The following CHN2 variants were observed in gnomAD, a reference collection of about 807,000 sequenced individuals.
CHN2 encodes chimerin 2.
CHN2 carries 35 observed loss-of-function variants against 56.3 expected under a neutral mutation model. The ratio of observed to expected loss-of-function variants is 0.62; its 90% CI spans 0.47 to 0.82. The LOEUF (loss-of-function observed/expected upper bound fraction) is 0.82. Ranked by LOEUF, CHN2 falls within the 40% of genes least tolerant of loss-of-function variation. The probability of loss-of-function intolerance (pLI) is 0.00; values close to 1 mark genes in which losing one functional copy is unlikely to be tolerated. For missense variants in CHN2, 491 were observed against 580.5 expected (o/e 0.85, Z 1.58); for synonymous variants, 210 against 212.8 (o/e 0.99, Z 0.12).
intron 2 of CHN2, among the ~76,000 whole-genome samples, chr7:29,182,493 A>T (rs1223879980): frequency 6.6e-6 from 1 of 152,212 alleles, no homozygotes; most frequent in African/African-American, 2.4e-5. Flanking sequence ...GTCCTGCCAG[A>T]TCATCCTATT....
At chr7:29,235,215 T>C (rs965593441) in intron 1 of CHN2, among the ~76,000 whole-genome samples, 3 of 151,494 alleles carry the variant, frequency 2.0e-5, no homozygotes, top group African/African-American at 4.9e-5. Context: ...TTTAAGAAAA[T>C]GGGCAAAGGA....
rs867295777 is a variant in CHN2 at position 29,195,643 on chromosome 7, T to A, written c.49+653T>A. Among the ~76,000 whole-genome samples the A allele has an allele frequency of 7.0e-3, 843 of 120,650 alleles. 12 individuals carry two copies. Among genetic ancestry groups the A allele is most frequent in the African/African-American group, 0.026 (765 of 29,976 alleles). The allele number at this position is 120,650 out of a possible 152,430, so 79.2% of individuals were successfully genotyped here. A position where few individuals can be genotyped will look rare whatever the true frequency, so the allele number is the denominator to read the frequency against. On this transcript the variant is annotated intron_variant, in intron 1 of 12. Transcript: ENST00000222792. ...GAGAGAGAGAGAGTGTGTGTGTGTG[T>A]GTGTGTGAGAGAGAGAGAGAGAGAG... is the stretch of plus-strand genomic sequence containing the variant.
At position 29,275,406 on chromosome 7, in the gene CHN2, A is replaced by G. The variant is rs1026286501; in HGVS notation, c.50-79219A>G. ...AAAAGTACTGCACTATATTTTGAGG[A>G]CAAGTCAAGAGAACACTTTAACTTT... On this transcript the variant is annotated intron_variant, in intron 1 of 12. Transcript: ENST00000222792. 1.1e-4 allele frequency among the ~76,000 whole-genome samples: 16 copies of G among 152,304 alleles called. No individual in the cohort carries two copies. The East Asian group carries it at 3.1e-3, about 29-fold the overall frequency.
intron 2 of CHN2, among the ~76,000 whole-genome samples, chr7:29,177,204 G>C (rs560841650): frequency 4.6e-5 from 7 of 150,958 alleles, no homozygotes; most frequent in African/African-American, 1.7e-4. Context: ...CTATATAGGA[G>C]ATCTTTTTCT....
Position 29,400,636 on chromosome 7 carries a change from A to C in CHN2, c.384A>C (p.Thr128=), listed in dbSNP as rs1353163024. The change falls in exon 6 of 13, where the codon ACA becomes ACC. Residue 128 remains threonine, a synonymous_variant. Coordinates refer to ENST00000222792, the MANE Select transcript of CHN2 (RefSeq NM_004067.4). ...TTGAGTCGATTCATGATCTGGTGAC[A>C]GATGGCTTGATAACACTGTACATAG... is the stretch of plus-strand genomic sequence containing the variant. The part of the protein sequence containing the change: ...KRFESIHDLV[T]DGLITLYIET... The C allele has an allele frequency of 3.7e-6, 6 of 1,614,216 alleles. No individual in the cohort carries two copies. The highest frequency in any genetic ancestry group is 1.6e-4 in the Middle Eastern group (1 of 6,062).
At chr7:29,402,131 G>T (rs145854640) in intron 6 of CHN2, among the ~76,000 whole-genome samples, 3 of 152,132 alleles carry the variant, frequency 2.0e-5, no homozygotes, top group Admixed American at 6.5e-5. Flanking sequence ...TGATGGATTC[G>T]GGACTGGCAT....
intron 7 of CHN2, among the ~76,000 whole-genome samples, chr7:29,493,120 G>A (rs570669248): frequency 9.9e-5 from 15 of 152,128 alleles, no homozygotes; most frequent in African/African-American, 3.6e-4. Context: ...CCTTTATACT[G>A]TATTTTTACT....
At chr7:29,304,736 C>T (rs562791478) in intron 1 of CHN2, among the ~76,000 whole-genome samples, 3 of 152,206 alleles carry the variant, frequency 2.0e-5, no homozygotes, top group Non-Finnish European at 4.4e-5. Flanking sequence ...TGTTCTAAAT[C>T]TCGCCCTCTC....
At chr7:29,435,894 C>CTTTTTTTTTTTTTTTTTTT (rs57786505) in intron 6 of CHN2, among the ~76,000 whole-genome samples, 1 of 137,426 alleles carries the variant, frequency 7.3e-6, no homozygotes, top group Non-Finnish European at 1.6e-5. Flanking sequence ...GAAGCGCCTC[C>CTTTTTTTTTTTTTTTTTTT]TTTTTTTTTT....
intron 1 of CHN2, among the ~76,000 whole-genome samples, chr7:29,263,976 G>A (rs1789851864): frequency 8.2e-6 from 1 of 122,296 alleles, no homozygotes; most frequent in East Asian, 2.3e-4. Context: ...GAGGTGGGGG[G>A]GCAGCCCCCG....
intron 1 of CHN2, among the ~76,000 whole-genome samples, chr7:29,207,147 T>C (rs1784576137): frequency 6.6e-6 from 1 of 152,176 alleles, no homozygotes; most frequent in Non-Finnish European, 1.5e-5. Context: ...TAAGAAAGCA[T>C]AGAAATTGAT....
intron 2 of CHN2, among the ~76,000 whole-genome samples, chr7:29,182,447 G>A (rs1032684512): frequency 4.6e-5 from 7 of 152,148 alleles, no homozygotes; most frequent in South Asian, 2.1e-4. Flanking sequence ...AAAAGAAAAC[G>A]TAGAAAGTTG....
intron 1 of CHN2, among the ~76,000 whole-genome samples, chr7:29,281,836 T>C (rs755288364): frequency 3.3e-5 from 5 of 152,340 alleles, no homozygotes; most frequent in Non-Finnish European, 7.4e-5. Context: ...CTTGTCCTCA[T>C]CTCCCTGAAG....
intron 2 of CHN2, among the ~76,000 whole-genome samples, chr7:29,161,625 T>C (rs1795188443): frequency 6.6e-6 from 1 of 152,180 alleles, no homozygotes; most frequent in Non-Finnish European, 1.5e-5. Context: ...GTAACCACGA[T>C]GGGTAGACTG....
intron 2 of CHN2, among the ~76,000 whole-genome samples, chr7:29,355,858 A>C (rs1186791925): frequency 7.7e-6 from 1 of 129,978 alleles, no homozygotes; most frequent in African/African-American, 3.0e-5. Context: ...ATCTCAGCTC[A>C]CTGCAACCTC....
intron 6 of CHN2, among the ~76,000 whole-genome samples, chr7:29,424,490 A>T (rs760190671): frequency 1.3e-5 from 2 of 152,166 alleles, no homozygotes; most frequent in Non-Finnish European, 2.9e-5. Context: ...GCCTCCCCCA[A>T]GGGAACATCA....
intron 3 of CHN2, among the ~76,000 whole-genome samples, chr7:29,387,181 C>T (rs1395972649): frequency 6.6e-6 from 1 of 151,990 alleles, no homozygotes; most frequent in East Asian, 1.9e-4. Flanking sequence ...AGAGTAGCCA[C>T]TCAATAAATG....
chr7:29,158,377 A>G (rs1794713390), intron 2 of CHN2, among the ~76,000 whole-genome samples: 1 of 152,240 alleles, frequency 6.6e-6, no homozygotes, highest in Non-Finnish European at 1.5e-5. Flanking sequence ...TGATGTGACT[A>G]AAACATGTAA....
At chr7:29,361,653 A>G (rs1031370874) in intron 2 of CHN2, among the ~76,000 whole-genome samples, 3 of 152,194 alleles carry the variant, frequency 2.0e-5, no homozygotes, top group African/African-American at 7.2e-5. Flanking sequence ...GTGAATTACC[A>G]AATTTTTCTT....
Sources: allele counts gnomAD v4.1 joint callset (sites outside exome capture counted in the v4.1 genomes callset), GRCh38; gene constraint gnomAD v4.1.1; transcripts MANE v1.5; gene names NCBI Gene and HGNC (gene_info 2026-07-23, HGNC 2026-07-21).